CALD1: variants seen among roughly 807,000 people sequenced by gnomAD.
CALD1 encodes the protein caldesmon.
In CALD1, 33 loss-of-function variants were observed where a neutral mutation model predicts 99.9. That is an observed-to-expected ratio of 0.33 (90% confidence interval 0.25 to 0.44). The LOEUF (loss-of-function observed/expected upper bound fraction) is 0.44, where lower values mean the gene tolerates loss of function less well. CALD1 is among the 20% of genes least tolerant of loss of function. The pLI, the probability that CALD1 is intolerant of heterozygous loss-of-function variation, is 1.00. For missense variants in CALD1, 861 were observed against 962.1 expected, an observed-to-expected ratio of 0.89 and a Z score of 1.39; for synonymous variants, 310 against 325.0, an observed-to-expected ratio of 0.95 and a Z score of 0.50.
intron 3 of CALD1, chr7:134,891,598 G>C: frequency 1.9e-6 from 3 of 1,602,744 alleles, no homozygotes; most frequent in Non-Finnish European, 1.7e-6. Flanking sequence ...TCTCTGCCCC[G>C]CCGCCCCTTC....
the CALD1 span, among the ~76,000 whole-genome samples, chr7:134,719,045 G>A: frequency 6.6e-6 from 1 of 152,106 alleles, no homozygotes; most frequent in Non-Finnish European, 1.5e-5. Flanking sequence ...AGAAACTGAG[G>A]TATAAGGACA....
At chr7:134,954,842 A>G (rs2133197794) in intron 9 of CALD1, among the ~76,000 whole-genome samples, 1 of 152,318 alleles carries the variant, frequency 6.6e-6, no homozygotes. Context: ...TTTGCCAGAA[A>G]TGCCCTTTCC....
chr7:134,933,065 G>C lies in CALD1; in HGVS notation c.296G>C (p.Arg99Pro), dbSNP rs143639360. 1.9e-6 allele frequency: 3 copies of C among 1,613,886 alleles called. No individual in the cohort carries two copies. In the African/African-American group the frequency reaches 4.0e-5, roughly 22 times the overall value. Residue 99 changes from arginine to proline, a missense_variant, in exon 5 of 15, where the codon CGC becomes CCC. Physicochemically the swap from Arg to Pro is moderately radical, Grantham distance 103. Transcript: ENST00000361675. ...GATGATGAGGCCGCATTCCTGGAGC[G>C]CCTGGCTCGGCGTGAGGAAAGACGC... is the stretch of plus-strand genomic sequence containing the variant. Reference protein sequence around the residue: ...EGDDEAAFLERLARREERRQK... With the variant: ...EGDDEAAFLEPLARREERRQK...
chr7:134,806,484 T>C (rs1798144350), intron 1 of CALD1, among the ~76,000 whole-genome samples: 1 of 152,244 alleles, frequency 6.6e-6, no homozygotes, highest in African/African-American at 2.4e-5. Flanking sequence ...CCAACTTCTC[T>C]GTCTTTGAGT....
chr7:134,730,328 A>T, the CALD1 span, among the ~76,000 whole-genome samples: 4 of 152,292 alleles, frequency 2.6e-5, no homozygotes, highest in East Asian at 7.7e-4. Context: ...ACCGAAAGAA[A>T]CAAAATCATA....
intron 1 of CALD1, among the ~76,000 whole-genome samples, chr7:134,788,410 C>A (rs973802739): frequency 2.6e-5 from 4 of 152,198 alleles, no homozygotes; most frequent in Non-Finnish European, 5.9e-5. Flanking sequence ...AGACTCCCCT[C>A]CCCTCACCCA....
intron 1 of CALD1, among the ~76,000 whole-genome samples, chr7:134,788,421 A>G (rs989897841): frequency 6.6e-6 from 1 of 152,194 alleles, no homozygotes; most frequent in Non-Finnish European, 1.5e-5. Context: ...CCCTCACCCA[A>G]GAACTTGTTG....
upstream of CALD1, among the ~76,000 whole-genome samples, chr7:134,740,576 T>C (rs892235346): frequency 6.6e-6 from 1 of 152,164 alleles, no homozygotes; most frequent in African/African-American, 2.4e-5. Flanking sequence ...AATGGAAGCA[T>C]TGTGTGATGA....
At chr7:134,834,182 T>C (rs1162553408) in intron 1 of CALD1, among the ~76,000 whole-genome samples, 1 of 152,232 alleles carries the variant, frequency 6.6e-6, no homozygotes, top group Non-Finnish European at 1.5e-5. Context: ...TCTATTTTGA[T>C]GTTCAAATGC....
chr7:134,935,726 A>G lies in CALD1; in HGVS notation c.1347A>G (p.Glu449=). 6.2e-7 allele frequency: 1 copy of G among 1,604,980 alleles called. No individual in the cohort carries two copies. The highest frequency in any genetic ancestry group is 8.5e-7 in the Non-Finnish European group (1 of 1,176,764). The part of the protein sequence containing the change: ...EKGTKVQAKR[E]KLQEDKPTFK... Reference sequence around the variant, plus strand: ...GAACTAAAGTGCAAGCTAAAAGAGAAAAGCTCCAAGAAGACAAGCCTACCT... The same window carrying G: ...GAACTAAAGTGCAAGCTAAAAGAGAGAAGCTCCAAGAAGACAAGCCTACCT... Residue 449 remains glutamate (E), a synonymous_variant, in exon 6 of 15, where the codon GAA becomes GAG. Transcript: ENST00000361675.
chr7:134,929,511 G>A (rs76039374), intron 4 of CALD1, among the ~76,000 whole-genome samples: 4,198 of 149,440 alleles, frequency 0.028, 198 homozygotes, highest in African/African-American at 0.098. Context: ...TTCCATTCCT[G>A]AGTTACTTCA....
At chr7:134,797,212 A>C (rs1797779041) in intron 1 of CALD1, among the ~76,000 whole-genome samples, 1 of 152,110 alleles carries the variant, frequency 6.6e-6, no homozygotes, top group South Asian at 2.1e-4. Context: ...TTCGAACTCT[A>C]GGGCTCAAGT....
chr7:134,961,787 T>A (rs908074367), intron 13 of CALD1: 2 of 152,172 alleles, frequency 1.3e-5, no homozygotes, highest in Non-Finnish European at 2.9e-5. Flanking sequence ...AGGACACAGT[T>A]GAGGCAAGAG....
intron 1 of CALD1, among the ~76,000 whole-genome samples, chr7:134,755,193 G>C (rs1276443617): frequency 1.3e-5 from 2 of 152,012 alleles, no homozygotes; most frequent in Non-Finnish European, 2.9e-5. Flanking sequence ...TAGAGACAGG[G>C]TTTCACCATG....
Position 134,835,912 on chromosome 7 carries a change from G to A in CALD1, c.-129-7972G>A, listed in dbSNP as rs191011288. On this transcript the variant is annotated intron_variant, in intron 1 of 14. Transcript: ENST00000361675. ...TGTAATCCCAGAAATTTGGGAGGCC[G>A]AGTCAGGCGGATCACCTGAGTTAGG... is the stretch of plus-strand genomic sequence containing the variant. Among the ~76,000 whole-genome samples, 10 of 152,200 alleles carry A rather than the reference G, an allele frequency of 6.6e-5. No individual in the cohort carries two copies. In the East Asian group the frequency reaches 1.2e-3, roughly 18 times the overall value.
chr7:134,756,137 C>T (rs898688349), intron 1 of CALD1, among the ~76,000 whole-genome samples: 4 of 151,784 alleles, frequency 2.6e-5, no homozygotes, highest in South Asian at 2.1e-4. Context: ...GTGATCCACC[C>T]GCCACGGCCT....
intron 1 of CALD1, among the ~76,000 whole-genome samples, chr7:134,760,306 G>A (rs532050516): frequency 6.6e-6 from 1 of 152,324 alleles, no homozygotes; most frequent in South Asian, 2.1e-4. Context: ...ATTGAGGGTG[G>A]GGTTTGGGGA....
rs1797226718 is a variant in CALD1, at chr7:134,784,383, C to A, written c.-130+4634C>A. On this transcript the variant is annotated intron_variant, in intron 1 of 14. Coordinates refer to ENST00000361675, the MANE Select transcript of CALD1 (RefSeq NM_033138.4). ...CACCTTGTGCTGAAGACCAGAAGGA[C>A]CAAGGCAAAGTGCCCAAGAGGGCCA... Among the ~76,000 whole-genome samples the A allele has an allele frequency of 2.0e-5, 3 of 152,148 alleles. No homozygotes were observed. The South Asian group carries it at 6.2e-4, about 32-fold the overall frequency.
chr7:134,840,870 G>A (rs1487305609), intron 1 of CALD1, among the ~76,000 whole-genome samples: 2 of 152,032 alleles, frequency 1.3e-5, no homozygotes, highest in Admixed American at 1.3e-4. Flanking sequence ...CTCGCAAATA[G>A]TAGGTATTCA....
Sources: allele counts gnomAD v4.1 joint callset (sites outside exome capture counted in the v4.1 genomes callset), GRCh38; gene constraint gnomAD v4.1.1; transcripts MANE v1.5; gene names NCBI Gene and HGNC (gene_info 2026-07-23, HGNC 2026-07-21).